The following CNTNAP2 variants were observed in gnomAD, a reference collection of about 807,000 sequenced individuals.
CNTNAP2 encodes contactin-associated protein-like 2.
A neutral mutation model predicts 155.2 loss-of-function variants in CNTNAP2; 98 were observed. That is an observed-to-expected ratio of 0.63 (90% CI 0.54 to 0.75). CNTNAP2 has a LOEUF of 0.75. Ranked by LOEUF, CNTNAP2 falls within the 30% of genes least tolerant of loss-of-function variation. The pLI is 0.00. For synonymous variants in CNTNAP2, 651 were observed against 631.2 expected, an observed-to-expected ratio of 1.03 and a Z score of -0.47; for missense variants, 1,727 against 1,688.1, an observed-to-expected ratio of 1.02 and a Z score of -0.40.
intron 3 of CNTNAP2, among the ~76,000 whole-genome samples, chr7:146,889,354 A>G (rs2129211117): frequency 6.6e-6 from 1 of 152,236 alleles, no homozygotes; most frequent in Middle Eastern, 3.4e-3. Context: ...ACAGCAATAG[A>G]CTTCAGGACG....
At chr7:146,969,142 G>A (rs1270749806) in intron 3 of CNTNAP2, among the ~76,000 whole-genome samples, 3 of 151,756 alleles carry the variant, frequency 2.0e-5, no homozygotes, top group Non-Finnish European at 4.4e-5. Flanking sequence ...TCTTAATCCT[G>A]AGTTCTAGTT....
At chr7:146,582,265 G>A (rs571236635) in intron 1 of CNTNAP2, among the ~76,000 whole-genome samples, 81 of 152,216 alleles carry the variant, frequency 5.3e-4, no homozygotes, top group African/African-American at 1.8e-3. Flanking sequence ...TCGTTTGCAT[G>A]CATATAGAAT....
At chr7:146,830,885 G>A (rs561136814) in intron 2 of CNTNAP2, among the ~76,000 whole-genome samples, 7 of 152,260 alleles carry the variant, frequency 4.6e-5, no homozygotes, top group Non-Finnish European at 8.8e-5. Flanking sequence ...ATTAGAGAGC[G>A]CTCTTCAAGC....
Position 147,922,299 on chromosome 7 carries a change from A to T in CNTNAP2, c.2255+18578A>T, listed in dbSNP as rs540893995. 4.6e-5 allele frequency among the ~76,000 whole-genome samples: 7 copies of T among 152,334 alleles called. No individual in the cohort carries two copies. In the East Asian group the frequency reaches 1.4e-3, roughly 29 times the overall value. On this transcript the variant is annotated intron_variant, in intron 14 of 23. Transcript: ENST00000361727. ...AAATGTATGAATTGGTTTTGTGTTG[A>T]CTGTGCCCCAACCCTGCTTATAGTA...
chr7:146,548,263 C>T (rs965086394), intron 1 of CNTNAP2, among the ~76,000 whole-genome samples: 1 of 151,962 alleles, frequency 6.6e-6, no homozygotes, highest in Admixed American at 6.6e-5. Flanking sequence ...TAATGGCCAA[C>T]GTCTCCATCC....
At chr7:147,482,627 A>G (rs1798441221) in intron 10 of CNTNAP2, among the ~76,000 whole-genome samples, 1 of 151,974 alleles carries the variant, frequency 6.6e-6, no homozygotes, top group South Asian at 2.1e-4. Context: ...AGGCTGAGGC[A>G]GGAGAATGGC....
chr7:146,688,404 G>C (rs1386465832), intron 1 of CNTNAP2, among the ~76,000 whole-genome samples: 1 of 152,108 alleles, frequency 6.6e-6, no homozygotes, highest in Non-Finnish European at 1.5e-5. Context: ...TTAATCACCT[G>C]GGTGCAGGCC....
intron 1 of CNTNAP2, among the ~76,000 whole-genome samples, chr7:146,770,697 G>T (rs1341076784): frequency 1.3e-5 from 2 of 151,372 alleles, no homozygotes; most frequent in African/African-American, 2.4e-5. Flanking sequence ...TTTTAAATTA[G>T]TAAAAAATGT....
intron 1 of CNTNAP2, among the ~76,000 whole-genome samples, chr7:146,495,762 G>A (rs2129132171): frequency 6.6e-6 from 1 of 152,144 alleles, no homozygotes; most frequent in South Asian, 2.1e-4. Flanking sequence ...GTAGACGATG[G>A]TGAAGAAATG....
At chr7:147,197,471 C>A (rs1384768181) in intron 8 of CNTNAP2, among the ~76,000 whole-genome samples, 1 of 152,018 alleles carries the variant, frequency 6.6e-6, no homozygotes, top group African/African-American at 2.4e-5. Context: ...CCACTGGTAA[C>A]ACTATCTCTG....
chr7:148,197,567 T>C (rs1294822604), intron 18 of CNTNAP2, among the ~76,000 whole-genome samples: 2 of 152,208 alleles, frequency 1.3e-5, no homozygotes, highest in African/African-American at 4.8e-5. Flanking sequence ...AATAAGGCAT[T>C]GGAGTTCAGT....
At chr7:147,355,917 C>A (rs1183946990) in intron 9 of CNTNAP2, among the ~76,000 whole-genome samples, 1 of 152,212 alleles carries the variant, frequency 6.6e-6, no homozygotes, top group Non-Finnish European at 1.5e-5. Context: ...AAGAGAGACT[C>A]CTCCCTAACT....
chr7:147,860,752 T>C (rs1163678152), intron 13 of CNTNAP2, among the ~76,000 whole-genome samples: 3 of 152,158 alleles, frequency 2.0e-5, no homozygotes, highest in African/African-American at 4.8e-5. Context: ...AACCTCTTTC[T>C]TTATAAATTA....
chr7:146,154,114 A>C (rs1004952679), intron 1 of CNTNAP2, among the ~76,000 whole-genome samples: 3 of 152,264 alleles, frequency 2.0e-5, no homozygotes, highest in Non-Finnish European at 2.9e-5. Context: ...GTGATTGAAA[A>C]AAAAGAGCTT....
intron 14 of CNTNAP2, among the ~76,000 whole-genome samples, chr7:147,941,599 G>A (rs1800722973): frequency 6.6e-6 from 1 of 152,172 alleles, no homozygotes; most frequent in East Asian, 1.9e-4. Context: ...ACACAAACAT[G>A]TCGATTCTCT....
At chr7:147,303,324 T>C (rs1205841103) in intron 9 of CNTNAP2, among the ~76,000 whole-genome samples, 1 of 152,184 alleles carries the variant, frequency 6.6e-6, no homozygotes, top group African/African-American at 2.4e-5. Flanking sequence ...GACTTGTTGA[T>C]TCAGTGAATT....
chr7:147,660,661 G>T (rs1795595305), intron 13 of CNTNAP2, among the ~76,000 whole-genome samples: 1 of 152,102 alleles, frequency 6.6e-6, no homozygotes, highest in South Asian at 2.1e-4. Context: ...TTGATCATCT[G>T]CTCTCTTTAA....
At chr7:146,930,446 C>T (rs544356722) in intron 3 of CNTNAP2, among the ~76,000 whole-genome samples, 151 of 152,208 alleles carry the variant, frequency 9.9e-4, no homozygotes, top group Non-Finnish European at 1.7e-3. Context: ...AAGCACTAAA[C>T]ATGGAAAGGA....
At chr7:147,994,511 G>C (rs1373407477) in intron 15 of CNTNAP2, among the ~76,000 whole-genome samples, 1 of 152,196 alleles carries the variant, frequency 6.6e-6, no homozygotes, top group Non-Finnish European at 1.5e-5. Context: ...GACCCAGTGG[G>C]AGATGATTGA....
Sources: allele counts gnomAD v4.1 joint callset (sites outside exome capture counted in the v4.1 genomes callset), GRCh38; gene constraint gnomAD v4.1.1; transcripts MANE v1.5; gene names NCBI Gene and HGNC (gene_info 2026-07-23, HGNC 2026-07-21).